Variants in RIOK2 observed in about 807,000 individuals in gnomAD.
The protein encoded by RIOK2 is serine/threonine-protein kinase RIO2.
A neutral mutation model predicts 62.4 loss-of-function variants in RIOK2; 46 were observed. The observed-to-expected ratio is 0.74, with a 90% CI of 0.58 to 0.94. The LOEUF is 0.94. Ranked by LOEUF, RIOK2 falls within the 40% of genes least tolerant of loss-of-function variation. RIOK2 has a pLI of 0.00. For missense variants in RIOK2, 574 were observed against 658.0 expected (o/e 0.87, Z 1.40); for synonymous variants, 197 against 216.0 (o/e 0.91, Z 0.77).
At chr5:97,175,039 C>T (rs1183113067) in intron 4 of RIOK2, among the ~76,000 whole-genome samples, 2 of 151,824 alleles carry the variant, frequency 1.3e-5, no homozygotes, top group East Asian at 3.9e-4. Context: ...GCCTGGGTGA[C>T]AGAGTGAGAC....
chr5:97,178,970 A>G, intron 2 of RIOK2, 85 bp downstream of exon 2: 2 of 1,506,996 alleles, frequency 1.3e-6, no homozygotes, highest in South Asian at 2.3e-5. Flanking sequence ...TAGTCTGGCA[A>G]CTTCTACTTC....
At chr5:97,173,362 C>T in intron 4 of RIOK2, 99 bp from the exon 5 acceptor site, 2 of 723,762 alleles carry the variant, frequency 2.8e-6, no homozygotes, top group Admixed American at 3.0e-5. Context: ...AAAAAAAACA[C>T]ACAAACCTTT....
At chr5:97,173,146 T>C in intron 5 of RIOK2, 29 bp downstream of exon 5, 4 of 1,471,304 alleles carry the variant, frequency 2.7e-6, no homozygotes. Flanking sequence ...TTATCAGGAT[T>C]CATGGCTTTA....
intron 5 of RIOK2, among the ~76,000 whole-genome samples, chr5:97,171,602 T>C (rs1430215015): frequency 1.3e-5 from 2 of 152,340 alleles, no homozygotes; most frequent in African/African-American, 4.8e-5. Flanking sequence ...TCTTTTCTAC[T>C]ACTACCTTTC....
At chr5:97,179,973 ATAT>A (rs1244840691) in intron 1 of RIOK2, among the ~76,000 whole-genome samples, 12 of 54,168 alleles carry the variant, frequency 2.2e-4, no homozygotes, top group African/African-American at 7.8e-4. Flanking sequence ...TTATATATAT[ATAT>A]AATATATATA....
rs1749265736 is a variant in RIOK2 at position 97,179,183 on chromosome 5, C to A, written c.77G>T (p.Gly26Val). The change falls in exon 2 of 10, where the codon GGC (glycine) becomes GTC (valine). Residue 26 changes from glycine to valine, a missense_variant. Coordinates refer to ENST00000283109, the MANE Select transcript of RIOK2 (RefSeq NM_018343.3). ...DFRVLTAVEM[G>V]MKNHEIVPGS... ...GGGAACAATTTCATGGTTCTTCATG[C>A]CCATTTCAACCTGAAATTAAAGGAA... 5 of 1,612,630 alleles carry A rather than the reference C, an allele frequency of 3.1e-6. No individual in the cohort carries two copies. The South Asian group carries it at 5.5e-5, about 18-fold the overall frequency.
At position 97,179,206 on chromosome 5, in the gene RIOK2, G is replaced by T; in HGVS notation, c.67-13C>A. The T allele has an allele frequency of 6.2e-7, 1 of 1,610,286 alleles. No homozygotes were observed. The highest frequency in any genetic ancestry group is 8.5e-7 in the Non-Finnish European group (1 of 1,179,170). ...TGCCCATTTCAACCTGAAATTAAAG[G>T]AATCATTATATAATCATAATCAACA... is the stretch of plus-strand genomic sequence containing the variant. On this transcript the variant is annotated splice_polypyrimidine_tract_variant and intron_variant, in intron 1 of 9. Coordinates refer to ENST00000283109, the MANE Select transcript of RIOK2 (RefSeq NM_018343.3).
chr5:97,179,226 T>C (rs776637660), intron 1 of RIOK2, 33 bp from the exon 2 acceptor site: 16 of 1,603,260 alleles, frequency 1.0e-5, no homozygotes, highest in East Asian at 8.9e-5. Flanking sequence ...ATAATCATAA[T>C]CAACACAAAG....
chr5:97,168,759 C>A lies in RIOK2; in HGVS notation c.872+1G>T. 6.4e-7 allele frequency: 1 copy of A among 1,570,584 alleles called. No homozygotes were observed. The highest frequency in any genetic ancestry group is 8.7e-7 in the Non-Finnish European group (1 of 1,152,628). On this transcript the variant is annotated splice_donor_variant, in intron 7 of 9. Coordinates refer to ENST00000283109, the MANE Select transcript of RIOK2 (RefSeq NM_018343.3). LOFTEE classifies it high-confidence loss of function. ...TATGTAAAGCAATGGGGAGTACAAA[C>A]CTGATATCCTTAAAAGTTGGAAAAA...
At chr5:97,175,375 T>C (rs766948493) in intron 4 of RIOK2, among the ~76,000 whole-genome samples, 2 of 152,256 alleles carry the variant, frequency 1.3e-5, no homozygotes, top group Non-Finnish European at 2.9e-5. Flanking sequence ...CTAGAACTTG[T>C]GCTATCGCCT....
At chr5:97,181,664 G>A (rs946086328) in intron 1 of RIOK2, among the ~76,000 whole-genome samples, 13 of 152,154 alleles carry the variant, frequency 8.5e-5, no homozygotes, top group Non-Finnish European at 1.9e-4. Context: ...CAATGTTTTG[G>A]AAGATAAATC....
At chr5:97,164,037 T>C (rs982951177) in intron 9 of RIOK2, among the ~76,000 whole-genome samples, 21 of 151,946 alleles carry the variant, frequency 1.4e-4, no homozygotes, top group African/African-American at 5.1e-4. Flanking sequence ...GGAATACAGG[T>C]GTATACCACT....
At chr5:97,182,002 G>A (rs192448552) in intron 1 of RIOK2, among the ~76,000 whole-genome samples, 2 of 152,306 alleles carry the variant, frequency 1.3e-5, no homozygotes, top group East Asian at 3.9e-4. Flanking sequence ...TCCAAAACTT[G>A]AAGCCTTAAC....
At position 97,162,407 on chromosome 5, in the gene RIOK2, C is replaced by T. The variant is rs1292361959; in HGVS notation, c.*654G>A. 6.6e-6 allele frequency: 1 copy of T among 152,306 alleles called. No individual in the cohort carries two copies. Among genetic ancestry groups the T allele is most frequent in the Non-Finnish European group, 1.5e-5 (1 of 68,152 alleles). 9.4% of individuals were successfully genotyped at this position (152,306 alleles called of 1,614,324 possible). On this transcript the variant is annotated 3_prime_UTR_variant, in exon 10 of 10. Transcript: ENST00000283109. ...CATTCCTCATTCTACTCCACCTTCC[C>T]CAACCCCTAACTCTTCTGCTACTCA...
chr5:97,177,485 A>G (rs929779907), intron 3 of RIOK2, among the ~76,000 whole-genome samples, 194 bp from the exon 4 acceptor site: 2 of 152,206 alleles, frequency 1.3e-5, no homozygotes, highest in African/African-American at 4.8e-5. Context: ...GCACATAAAT[A>G]ATGATATATC....
Position 97,167,473 on chromosome 5 carries a change from G to A in RIOK2, c.1391C>T (p.Pro464Leu), listed in dbSNP as rs143694844. The A allele has an allele frequency of 1.0e-4, 161 of 1,613,798 alleles. No homozygotes were observed. Among genetic ancestry groups the A allele is most frequent in the Non-Finnish European group, 1.3e-4 (154 of 1,179,940 alleles). The stretch of plus-strand genomic sequence containing the variant: ...AATCGACAGAAGTCTATACCTGAAA[G>A]GCCTGAATTCTCTATTTAATGACGA... ...ALSSLNREFR[P>L]FRDEENVGAM... Residue 464 changes from proline (P) to leucine (L), a missense_variant, in exon 8 of 10, where the codon CCT becomes CTT. By Grantham distance (98) the Pro-to-Leu change is moderately conservative. Coordinates refer to ENST00000283109, the MANE Select transcript of RIOK2 (RefSeq NM_018343.3).
intron 5 of RIOK2, among the ~76,000 whole-genome samples, chr5:97,172,251 A>G (rs1749030617): frequency 6.6e-6 from 1 of 152,128 alleles, no homozygotes; most frequent in Non-Finnish European, 1.5e-5. Flanking sequence ...CAGGCATCTC[A>G]AACTTAGCAT....
rs1247265619 is a variant in RIOK2, at chr5:97,161,847, C to G, written c.*1214G>C. The G allele has an allele frequency of 6.6e-6, 1 of 152,102 alleles. No homozygotes were observed. The highest frequency in any genetic ancestry group is 2.4e-5 in the African/African-American group (1 of 41,416). 9.4% of individuals were successfully genotyped at this position (152,102 alleles called of 1,614,324 possible). ...AATGCTTAAAAGTTGAGAGATTATA[C>G]AAAATGAATACCTGAATTCAAAGAT... On this transcript the variant is annotated 3_prime_UTR_variant, in exon 10 of 10. Coordinates refer to ENST00000283109, the MANE Select transcript of RIOK2 (RefSeq NM_018343.3).
At chr5:97,173,134 A>T in intron 5 of RIOK2, 41 bp downstream of exon 5, 1 of 1,391,814 alleles carries the variant, frequency 7.2e-7, no homozygotes, top group Non-Finnish European at 9.9e-7. Context: ...ACTTAAATTC[A>T]TTTATCAGGA....
Sources: allele counts gnomAD v4.1 joint callset (sites outside exome capture counted in the v4.1 genomes callset), GRCh38; gene constraint gnomAD v4.1.1; transcripts MANE v1.5; gene names NCBI Gene and HGNC (gene_info 2026-07-23, HGNC 2026-07-21).